Variants in RBFOX1 observed in about 807,000 individuals in gnomAD.
The protein encoded by RBFOX1 is RNA binding protein fox-1 homolog 1.
Under a neutral mutation model 57.7 loss-of-function variants are expected in RBFOX1, and 8 were observed. The ratio of observed to expected loss-of-function variants is 0.14; its 90% confidence interval spans 0.08 to 0.25. The LOEUF is 0.25. Among genes scored for constraint, RBFOX1 ranks in the 10% least tolerant of loss-of-function variants. RBFOX1 has a pLI of 1.00. For missense variants in RBFOX1, 611 were observed against 548.5 expected, an observed-to-expected ratio of 1.11 and a Z score of -1.14; for synonymous variants, 326 against 222.4, an observed-to-expected ratio of 1.47 and a Z score of -4.15.
At chr16:5,435,246 G>A (rs189933303) in intron 1 of RBFOX1, among the ~76,000 whole-genome samples, 1 of 152,296 alleles carries the variant, frequency 6.6e-6, no homozygotes, top group East Asian at 1.9e-4. Flanking sequence ...ATGAAGAAAA[G>A]GTTAAACTGA....
chr16:7,234,476 G>A (rs536032734), intron 4 of RBFOX1, among the ~76,000 whole-genome samples: 1 of 152,024 alleles, frequency 6.6e-6, no homozygotes, highest in African/African-American at 2.4e-5. Flanking sequence ...CAGTGAAGAA[G>A]GGGGAACCAG....
intron 3 of RBFOX1, among the ~76,000 whole-genome samples, chr16:6,922,800 G>A (rs921726147): frequency 1.1e-4 from 17 of 152,092 alleles, no homozygotes; most frequent in African/African-American, 3.1e-4. Flanking sequence ...GGAGGTCAGC[G>A]TTCATCACAG....
rs12598870 is a variant in RBFOX1, at chr16:6,423,848, G to C, written c.-64+106791G>C. The stretch of plus-strand genomic sequence containing the variant: ...GAAGAGAAATGAGGAGCCCAGATAA[G>C]AGATCCACCCTGAATCCTAGTAACA... On this transcript the variant is annotated intron_variant, in intron 2 of 15. Coordinates refer to ENST00000550418, the MANE Select transcript of RBFOX1 (RefSeq NM_018723.4). Among the ~76,000 whole-genome samples the C allele has an allele frequency of 6.0e-3, 916 of 152,214 alleles. 33 individuals are homozygous for C. The East Asian group carries it at 0.13, about 21-fold the overall frequency.
chr16:7,197,070 A>T (rs963686005), intron 4 of RBFOX1, among the ~76,000 whole-genome samples: 1 of 152,142 alleles, frequency 6.6e-6, no homozygotes, highest in Non-Finnish European at 1.5e-5. Context: ...TGTGTGCTAG[A>T]CACCTGAACA....
intron 2 of RBFOX1, among the ~76,000 whole-genome samples, chr16:6,636,422 G>A (rs1228099908): frequency 2.0e-5 from 3 of 151,894 alleles, no homozygotes; most frequent in Non-Finnish European, 2.9e-5. Context: ...AGCCCGGCTC[G>A]GCCTCCCAAA....
chr16:6,473,666 T>A (rs535523338), intron 2 of RBFOX1, among the ~76,000 whole-genome samples: 1 of 151,558 alleles, frequency 6.6e-6, no homozygotes, highest in Admixed American at 6.6e-5. Flanking sequence ...TAGCAAGGAG[T>A]CAGACATCCT....
chr16:7,343,874 C>G (rs760383844), intron 4 of RBFOX1, among the ~76,000 whole-genome samples: 68 of 152,198 alleles, frequency 4.5e-4, no homozygotes, highest in Non-Finnish European at 8.2e-4. Context: ...TTAAAGGAAC[C>G]AAATCATGTA....
At chr16:5,811,895 C>T (rs994598337) in intron 3 of RBFOX1, among the ~76,000 whole-genome samples, 1 of 152,168 alleles carries the variant, frequency 6.6e-6, no homozygotes, top group Admixed American at 6.5e-5. Flanking sequence ...AACTCCATCA[C>T]CTCAGAAATA....
rs562417792 is a variant in RBFOX1 at position 5,684,806 on chromosome 16, C to G, written c.318+85845C>G. 9.9e-5 allele frequency among the ~76,000 whole-genome samples: 15 copies of G among 152,262 alleles called. No homozygotes were observed. In the South Asian group the frequency reaches 3.1e-3, roughly 32 times the overall value. ...GAGCCCTGTCCTGAGCTGTGTATCTCTACTTTAGGGTTGCTTGGGGGTATT... is the reference window on the plus strand; with the variant it reads ...GAGCCCTGTCCTGAGCTGTGTATCTGTACTTTAGGGTTGCTTGGGGGTATT... On this transcript the variant is annotated intron_variant, in intron 3 of 19. Transcript: ENST00000641259.
At chr16:6,099,031 T>C (rs974939061) in intron 1 of RBFOX1, among the ~76,000 whole-genome samples, 2 of 152,202 alleles carry the variant, frequency 1.3e-5, no homozygotes, top group Non-Finnish European at 2.9e-5. Flanking sequence ...TTCCTGGTTC[T>C]TTATTAGGCA....
chr16:7,226,657 T>C (rs1051196208), intron 4 of RBFOX1, among the ~76,000 whole-genome samples: 7 of 152,236 alleles, frequency 4.6e-5, no homozygotes, highest in Non-Finnish European at 4.4e-5. Flanking sequence ...CTCCATAAGA[T>C]GAGTCTTTCA....
chr16:7,477,851 A>C (rs1031634820), intron 4 of RBFOX1, among the ~76,000 whole-genome samples: 2 of 152,194 alleles, frequency 1.3e-5, no homozygotes, highest in East Asian at 3.9e-4. Context: ...AAATGCAGAG[A>C]TAATATCAGA....
chr16:5,421,366 T>A (rs968647026), intron 1 of RBFOX1, among the ~76,000 whole-genome samples: 1 of 152,232 alleles, frequency 6.6e-6, no homozygotes, highest in African/African-American at 2.4e-5. Flanking sequence ...AGCCTGAGTC[T>A]GGCTTCTTTC....
chr16:5,280,288 C>G (rs1425745046), intron 1 of RBFOX1, among the ~76,000 whole-genome samples: 2 of 152,242 alleles, frequency 1.3e-5, no homozygotes, highest in African/African-American at 4.8e-5. Context: ...ATAAATCCCA[C>G]TTGATCATGG....
intron 2 of RBFOX1, among the ~76,000 whole-genome samples, chr16:6,625,484 C>T (rs946989541): frequency 6.6e-6 from 1 of 152,202 alleles, no homozygotes; most frequent in South Asian, 2.1e-4. Context: ...AAGCTCCTTT[C>T]CTTTTCTAGG....
rs3041577 is a variant in RBFOX1, at chr16:5,909,090, C to CTTTTTTTTTTTTTT, written c.351+41762_351+41775dup. The stretch of plus-strand genomic sequence containing the variant: ...ATCGGCTCCAACAGACTAAGCCCCC[C>CTTTTTTTTTTTTTT]TTTTTTTTTTTTTTTTTTTTGAGAC... On this transcript the variant is annotated intron_variant, in intron 4 of 19. Coordinates refer to the RBFOX1 transcript ENST00000641259. 4.3e-5 allele frequency among the ~76,000 whole-genome samples: 5 copies of CTTTTTTTTTTTTTT among 116,388 alleles called. 1 individual carries two copies. The highest frequency in any genetic ancestry group is 2.9e-4 in the South Asian group (1 of 3,466). 76.4% of individuals were successfully genotyped at this position (116,388 alleles called of 152,430 possible). A position where few individuals can be genotyped will look rare whatever the true frequency, so the allele number is the denominator to read the frequency against.
intron 1 of RBFOX1, among the ~76,000 whole-genome samples, chr16:5,448,883 A>G (rs1298908745): frequency 6.6e-6 from 1 of 152,104 alleles, no homozygotes; most frequent in Non-Finnish European, 1.5e-5. Flanking sequence ...TAAAGCTGGC[A>G]TGATCCGCCT....
chr16:5,482,908 G>T (rs1841470382), intron 2 of RBFOX1, among the ~76,000 whole-genome samples: 1 of 152,186 alleles, frequency 6.6e-6, no homozygotes, highest in Non-Finnish European at 1.5e-5. Flanking sequence ...AAAAAGAAAA[G>T]AATCCTTATT....
chr16:6,854,851 C>T (rs1345356824), intron 3 of RBFOX1, among the ~76,000 whole-genome samples: 5 of 152,018 alleles, frequency 3.3e-5, no homozygotes, highest in Admixed American at 2.6e-4. Context: ...GCCTCGGCCT[C>T]CCAAAGTGCT....
Sources: gnomAD v4.1 joint callset for allele counts (sites outside exome capture counted in the v4.1 genomes callset) on GRCh38, gnomAD v4.1.1 for gene constraint, MANE v1.5 for transcripts, NCBI Gene and HGNC (gene_info 2026-07-23, HGNC 2026-07-21) for gene names.